Variants in CNN2 observed in about 807,000 individuals in gnomAD.
The protein encoded by CNN2 is calponin-2.
A neutral mutation model predicts 31.0 loss-of-function variants in CNN2; 21 were observed. That is an observed-to-expected ratio of 0.68 (90% CI 0.48 to 0.98). The LOEUF (loss-of-function observed/expected upper bound fraction) is 0.98, where lower values mean the gene tolerates loss of function less well. Among genes scored for constraint, CNN2 ranks in the 50% least tolerant of loss-of-function variants. The pLI, the probability that CNN2 is intolerant of heterozygous loss-of-function variation, is 0.00. For synonymous variants in CNN2, 165 were observed against 179.6 expected (o/e 0.92, Z 0.65); for missense variants, 399 against 427.3 (o/e 0.93, Z 0.58).
rs1303423515 is a variant in CNN2, at chr19:1,038,232, C to A, written c.*332C>A. On this transcript the variant is annotated 3_prime_UTR_variant, in exon 7 of 7. Coordinates refer to ENST00000263097, the MANE Select transcript of CNN2 (RefSeq NM_004368.4). ...TCCCCGACGGTTTCTGCTTGCCTCG[C>A]CTCTTCCCCCTTTTGTCAGCTGAGC... The A allele has an allele frequency of 2.5e-5, 7 of 283,872 alleles. No individual in the cohort carries two copies. 17.6% of individuals were successfully genotyped at this position (283,872 alleles called of 1,614,324 possible).
chr19:1,033,655 A>AC (rs199785506), intron 4 of CNN2, among the ~76,000 whole-genome samples: 2 of 110,780 alleles, frequency 1.8e-5, no homozygotes, highest in Non-Finnish European at 3.8e-5. Flanking sequence ...TGGGTGGGAC[A>AC]GTGTCTGGTG....
chr19:1,031,151 C>G lies in CNN2; in HGVS notation c.144C>G (p.Pro48=), dbSNP rs749940948. The change falls in exon 2 of 7, where the codon CCC becomes CCG. Residue 48 remains proline (P), a synonymous_variant. Transcript: ENST00000263097. ...IEGLTGLSIG[P]DFQKGLKDGT... Reference sequence around the variant, plus strand: ...GACTCACCGGCCTCTCCATCGGCCCCGACTTCCAGAAGGGCCTGAAGGATG... The same window carrying G: ...GACTCACCGGCCTCTCCATCGGCCCGGACTTCCAGAAGGGCCTGAAGGATG... 5.0e-6 allele frequency: 8 copies of G among 1,613,208 alleles called. No homozygotes were observed. The highest frequency in any genetic ancestry group is 1.1e-5 in the South Asian group (1 of 91,072).
At chr19:1,030,847 G>A (rs1004739351) in intron 1 of CNN2, 10 of 477,090 alleles carry the variant, frequency 2.1e-5, no homozygotes, top group Admixed American at 1.1e-4. Flanking sequence ...GCCGGTTGTC[G>A]GCCTGCTTGG....
intron 1 of CNN2, chr19:1,030,834 TAAGC>T (rs1311313254): frequency 1.3e-5 from 6 of 447,426 alleles, no homozygotes. Flanking sequence ...CAGTGAGTTC[TAAGC>T]CGGTTGTCGG....
At position 1,031,201 on chromosome 19, in the gene CNN2, A is replaced by T. The variant is rs2039486351; in HGVS notation, c.185+9A>T. The T allele has an allele frequency of 1.9e-6, 3 of 1,596,474 alleles. No individual in the cohort carries two copies. ...GGAACTATCTTATGCACGTGAGTACACGCAGGGACACAGGCTGTCTCACAC... is the reference window on the plus strand; with the variant it reads ...GGAACTATCTTATGCACGTGAGTACTCGCAGGGACACAGGCTGTCTCACAC... On this transcript the variant is annotated intron_variant, in intron 2 of 6. Coordinates refer to ENST00000263097, the MANE Select transcript of CNN2 (RefSeq NM_004368.4).
At chr19:1,030,026 G>A (rs560597344) in intron 1 of CNN2, among the ~76,000 whole-genome samples, 4 of 152,156 alleles carry the variant, frequency 2.6e-5, no homozygotes, top group Non-Finnish European at 4.4e-5. Flanking sequence ...TCCCTCCAGC[G>A]TTTATCTCCC....
At chr19:1,035,180 C>G (rs1215740027) in intron 4 of CNN2, among the ~76,000 whole-genome samples, 3 of 108,966 alleles carry the variant, frequency 2.8e-5, no homozygotes, top group African/African-American at 7.1e-5. Context: ...CTGGTGTAGA[C>G]GGGGAGCGTG....
Position 1,031,117 on chromosome 19 carries a change from G to A in CNN2, c.110G>A (p.Trp37Ter), listed in dbSNP as rs1457088042. Residue 37 changes from tryptophan to a stop codon, truncating the protein, a stop_gained, in exon 2 of 7, where the codon TGG becomes TAG. Transcript: ENST00000263097. LOFTEE classifies it high-confidence loss of function. ...CAGAAGGAGGCAGAGCTCCGCACCT[G>A]GATCGAGGGACTCACCGGCCTCTCC... ...DPQKEAELRT[W>*]IEGLTGLSIG... 1 of 1,613,220 alleles carries A rather than the reference G, an allele frequency of 6.2e-7. No individual in the cohort carries two copies. The highest frequency in any genetic ancestry group is 8.5e-7 in the Non-Finnish European group (1 of 1,179,918).
chr19:1,028,869 G>A (rs987944465), intron 1 of CNN2, among the ~76,000 whole-genome samples: 2 of 152,108 alleles, frequency 1.3e-5, no homozygotes, highest in Non-Finnish European at 2.9e-5. Flanking sequence ...GGCTGCCCCC[G>A]GGCGTGGAAA....
chr19:1,031,150 C>T lies in CNN2; in HGVS notation c.143C>T (p.Pro48Leu). 1.2e-6 allele frequency: 2 copies of T among 1,613,296 alleles called. No individual in the cohort carries two copies. The highest frequency in any genetic ancestry group is 1.1e-5 in the South Asian group (1 of 91,078). ...IEGLTGLSIG[P>L]DFQKGLKDGT... ...GGACTCACCGGCCTCTCCATCGGCC[C>T]CGACTTCCAGAAGGGCCTGAAGGAT... The change falls in exon 2 of 7, where the codon CCC becomes CTC. Residue 48 changes from proline to leucine, a missense_variant. By Grantham distance (98) the Pro-to-Leu change is moderately conservative. Coordinates refer to ENST00000263097, the MANE Select transcript of CNN2 (RefSeq NM_004368.4).
rs554307756 is a variant in CNN2, at chr19:1,027,209, C to G, written c.63+485C>G. ...GAGTGGTTTTTGAGAAGTGTTACCC[C>G]CCCACAAACAGGAATTTCCTGGCCT... On this transcript the variant is annotated intron_variant, in intron 1 of 6. Coordinates refer to ENST00000263097, the MANE Select transcript of CNN2 (RefSeq NM_004368.4). The G allele has an allele frequency of 1.7e-4, 26 of 155,474 alleles. 1 individual carries two copies. Among genetic ancestry groups the G allele is most frequent in the Non-Finnish European group, 3.2e-4 (22 of 69,660 alleles). 9.6% of individuals were successfully genotyped at this position (155,474 alleles called of 1,614,324 possible). A position where few individuals can be genotyped will look rare whatever the true frequency, so the allele number is the denominator to read the frequency against.
At chr19:1,026,981 A>T in intron 1 of CNN2, 1 of 453,712 alleles carries the variant, frequency 2.2e-6, no homozygotes, top group African/African-American at 2.1e-5. Flanking sequence ...ATCTAGGGGT[A>T]GTTGGGTCTG....
rs2039640414 is a variant in CNN2 at position 1,038,272 on chromosome 19, A to G, written c.*372A>G. On this transcript the variant is annotated 3_prime_UTR_variant, in exon 7 of 7. Transcript: ENST00000263097. The stretch of plus-strand genomic sequence containing the variant: ...GTCAGCTGAGCAGTTTGTGGTTTCT[A>G]TGCCCGCAAGTTTCAGGAAGTATTC... The G allele has an allele frequency of 9.3e-6, 2 of 214,972 alleles. No homozygotes were observed. The highest frequency in any genetic ancestry group is 1.6e-4 in the South Asian group (1 of 6,248). The allele number at this position is 214,972 out of a possible 1,614,324, so 13.3% of individuals were successfully genotyped here. A position where few individuals can be genotyped will look rare whatever the true frequency, so the allele number is the denominator to read the frequency against.
intron 2 of CNN2, among the ~76,000 whole-genome samples, chr19:1,031,551 C>A (rs113772652): frequency 3.9e-5 from 4 of 102,640 alleles, no homozygotes; most frequent in Non-Finnish European, 7.2e-5. Context: ...GGTGACACAG[C>A]GAGACTCCAT....
At chr19:1,028,094 C>T (rs903776047) in intron 1 of CNN2, among the ~76,000 whole-genome samples, 2 of 152,144 alleles carry the variant, frequency 1.3e-5, no homozygotes, top group Non-Finnish European at 2.9e-5. Flanking sequence ...CTGCATACAG[C>T]CGGCTAAGGG....
At position 1,036,427 on chromosome 19, in the gene CNN2, C is replaced by T. The variant is rs1229715107; in HGVS notation, c.519C>T (p.Asn173=). Residue 173 remains asparagine, a synonymous_variant, in exon 6 of 7, where the codon AAC becomes AAT. Coordinates refer to ENST00000263097, the MANE Select transcript of CNN2 (RefSeq NM_004368.4). The part of the protein sequence containing the change: ...QCVIGLQMGT[N]KCASQSGMTA... ...GAACCTCCCTGCAGATGGGCACCAA[C>T]AAATGCGCCAGCCAGTCGGGCATGA... 2.3e-5 allele frequency: 37 copies of T among 1,613,480 alleles called. No individual in the cohort carries two copies. The highest frequency in any genetic ancestry group is 3.1e-5 in the Non-Finnish European group (37 of 1,179,676).
intron 6 of CNN2, 27 bp from the exon 7 acceptor site, chr19:1,037,597 AC>A: frequency 6.3e-7 from 1 of 1,594,046 alleles, no homozygotes. Flanking sequence ...CTCCACCATG[AC>A]CTGCTCCACC....
rs1388159526 is a variant in CNN2, at chr19:1,036,502, G to C, written c.594G>C (p.Leu198=). The change falls in exon 6 of 7, where the codon CTG becomes CTC. Residue 198 remains leucine, a synonymous_variant. Transcript: ENST00000263097. ...TCTATGACCCCAAGAACCATATCCT[G>C]CCCCCCATGGACCACTCGACCATCA... ...RHLYDPKNHI[L]PPMDHSTISL... 5.6e-6 allele frequency: 9 copies of C among 1,613,258 alleles called. No individual in the cohort carries two copies. Among genetic ancestry groups the C allele is most frequent in the Non-Finnish European group, 7.6e-6 (9 of 1,179,318 alleles).
intron 2 of CNN2, among the ~76,000 whole-genome samples, chr19:1,031,678 G>GCA: frequency 6.9e-6 from 1 of 144,162 alleles, no homozygotes; most frequent in Non-Finnish European, 1.5e-5. Flanking sequence ...GCAGTGGCAT[G>GCA]ATCTCGGCTC....
Sources: gnomAD v4.1 joint callset for allele counts (sites outside exome capture counted in the v4.1 genomes callset) on GRCh38, gnomAD v4.1.1 for gene constraint, MANE v1.5 for transcripts, NCBI Gene and HGNC (gene_info 2026-07-23, HGNC 2026-07-21) for gene names.